CDK15: variants seen among roughly 807,000 people sequenced by gnomAD.
CDK15 encodes cyclin dependent kinase 15.
Under a neutral mutation model 60.3 loss-of-function variants are expected in CDK15, and 62 were observed. The ratio of observed to expected loss-of-function variants is 1.03; its 90% CI spans 0.84 to 1.27. The LOEUF is 1.27. Ranked by LOEUF, CDK15 falls within the 50% of genes most tolerant of loss-of-function variation. The probability of loss-of-function intolerance (pLI) is 0.00; values close to 1 mark genes in which losing one functional copy is unlikely to be tolerated. For missense variants in CDK15, 541 were observed against 527.8 expected, an observed-to-expected ratio of 1.03 and a Z score of -0.25; for synonymous variants, 194 against 195.7, an observed-to-expected ratio of 0.99 and a Z score of 0.07.
chr2:201,890,778 C>T lies in CDK15; in HGVS notation c.1199-7C>T, dbSNP rs370998699. On this transcript the variant is annotated splice_polypyrimidine_tract_variant and splice_region_variant and intron_variant, in intron 12 of 13. Transcript: ENST00000652192. ...ATATTGGTGCTTCTCTCTTTTCATTCCTACAGAGGAGTCTTTGTTTACAGT... is the reference window on the plus strand; with the variant it reads ...ATATTGGTGCTTCTCTCTTTTCATTTCTACAGAGGAGTCTTTGTTTACAGT... 10 of 1,593,124 alleles carry T rather than the reference C, an allele frequency of 6.3e-6. No individual in the cohort carries two copies. Among genetic ancestry groups the T allele is most frequent in the South Asian group, 1.1e-5 (1 of 88,714 alleles).
At chr2:201,888,409 C>T (rs1246152267) in intron 12 of CDK15, 3 of 1,528,338 alleles carry the variant, frequency 2.0e-6, no homozygotes, top group South Asian at 1.2e-5. Flanking sequence ...GACTGAATTT[C>T]CCTTCTCAAA....
chr2:201,882,513 C>T lies in CDK15; in HGVS notation c.1198+2346C>T, dbSNP rs1429503361. Among the ~76,000 whole-genome samples the T allele has an allele frequency of 6.6e-6, 1 of 152,150 alleles. No homozygotes were observed. The highest frequency in any genetic ancestry group is 1.5e-5 in the Non-Finnish European group (1 of 68,030). Reference sequence around the variant, plus strand: ...AATTAAATGAGGTTTGTCAAAGCCACAGGGCTCTGCTGCTGCTGCCTCGGC... The same window carrying T: ...AATTAAATGAGGTTTGTCAAAGCCATAGGGCTCTGCTGCTGCTGCCTCGGC... On this transcript the variant is annotated intron_variant, in intron 12 of 13. Transcript: ENST00000652192. The surrounding 1 kb of genome is among the most constrained non-coding windows in gnomAD (Gnocchi z 4.0).
chr2:201,883,949 G>A (rs1395590306), intron 12 of CDK15, among the ~76,000 whole-genome samples: 1 of 152,178 alleles, frequency 6.6e-6, no homozygotes, highest in Non-Finnish European at 1.5e-5. Flanking sequence ...ATTTGGGGGT[G>A]GGGGTAGTAG....
At chr2:201,860,791 A>C in intron 10 of CDK15, 5 of 1,352,206 alleles carry the variant, frequency 3.7e-6, no homozygotes, top group Non-Finnish European at 4.9e-6. Context: ...ACAGCATCGT[A>C]CTGCAGCAAT....
At chr2:201,828,556 T>C (rs1004283941) in intron 6 of CDK15, among the ~76,000 whole-genome samples, 4 of 151,880 alleles carry the variant, frequency 2.6e-5, no homozygotes, top group Admixed American at 6.6e-5. Context: ...TCTTGATGCA[T>C]TGACCTTGTG....
chr2:201,868,780 G>A (rs1698737442), intron 10 of CDK15, among the ~76,000 whole-genome samples: 1 of 151,418 alleles, frequency 6.6e-6, no homozygotes, highest in Non-Finnish European at 1.5e-5. Flanking sequence ...ATGAAAAAAT[G>A]TTCATCATCA....
intron 9 of CDK15, 167 bp from the exon 10 acceptor site, chr2:201,854,707 G>A (rs1175914454): frequency 1.6e-6 from 1 of 606,654 alleles, no homozygotes; most frequent in Non-Finnish European, 2.9e-6. Context: ...ACAAACGTTG[G>A]AAACACTCAA....
At chr2:201,808,754 C>T (rs1480511421) in intron 3 of CDK15, 3 of 152,328 alleles carry the variant, frequency 2.0e-5, no homozygotes, top group African/African-American at 7.2e-5. Context: ...TCCTTCTCCA[C>T]TCCCACTGCT....
intron 11 of CDK15, among the ~76,000 whole-genome samples, chr2:201,874,131 C>T (rs1435879828): frequency 1.3e-5 from 2 of 150,572 alleles, no homozygotes; most frequent in African/African-American, 2.5e-5. Context: ...TTGTCTAATA[C>T]AGTAGCCATT....
At chr2:201,867,350 C>A (rs926401780) in intron 10 of CDK15, among the ~76,000 whole-genome samples, 1 of 152,130 alleles carries the variant, frequency 6.6e-6, no homozygotes, top group African/African-American at 2.4e-5. Flanking sequence ...ACAGCCCAGG[C>A]ATGGTGGCTC....
At chr2:201,821,863 T>C (rs1260047151) in intron 4 of CDK15, among the ~76,000 whole-genome samples, 2 of 152,180 alleles carry the variant, frequency 1.3e-5, no homozygotes, top group Non-Finnish European at 2.9e-5. Flanking sequence ...GTATTTTTAG[T>C]AGAGACGGGG....
intron 4 of CDK15, among the ~76,000 whole-genome samples, chr2:201,820,486 C>T (rs868387680): frequency 2.6e-5 from 4 of 152,080 alleles, no homozygotes; most frequent in Admixed American, 6.6e-5. Flanking sequence ...TCATATCAAC[C>T]CTATGAAGTA....
intron 10 of CDK15, among the ~76,000 whole-genome samples, chr2:201,864,466 C>T (rs550140856): frequency 1.3e-5 from 2 of 152,252 alleles, no homozygotes; most frequent in Admixed American, 6.5e-5. Flanking sequence ...AACAGGTGTG[C>T]GGCCCCATGC....
At chr2:201,842,437 T>G (rs1208001375) in intron 8 of CDK15, among the ~76,000 whole-genome samples, 1 of 152,154 alleles carries the variant, frequency 6.6e-6, no homozygotes, top group Non-Finnish European at 1.5e-5. Flanking sequence ...CTGTCACATT[T>G]CTCGCTGCAA....
chr2:201,887,639 T>G (rs938878189), intron 12 of CDK15, among the ~76,000 whole-genome samples: 1 of 152,192 alleles, frequency 6.6e-6, no homozygotes, highest in Non-Finnish European at 1.5e-5. Context: ...ACTCACCGAA[T>G]GCAAGGGTTC....
At chr2:201,819,047 T>C (rs1472586889) in intron 4 of CDK15, among the ~76,000 whole-genome samples, 1 of 151,936 alleles carries the variant, frequency 6.6e-6, no homozygotes, top group African/African-American at 2.4e-5. Context: ...TAAACAAATA[T>C]TTATATATAA....
rs572860508 is a variant in CDK15 at position 201,839,150 on chromosome 2, G to A, written c.851+3387G>A. ...TTCTAAGATTCATCCATGTTGATCT[G>A]TTTAGCTATACTTTATTTTCTGTTA... On this transcript the variant is annotated intron_variant, in intron 8 of 13. Transcript: ENST00000652192. 2.6e-5 allele frequency among the ~76,000 whole-genome samples: 4 copies of A among 151,986 alleles called. No homozygotes were observed. In the East Asian group the frequency reaches 7.7e-4, roughly 29 times the overall value.
At chr2:201,883,323 C>T (rs1003644786) in intron 12 of CDK15, among the ~76,000 whole-genome samples, 9 of 152,074 alleles carry the variant, frequency 5.9e-5, no homozygotes, top group Admixed American at 2.0e-4. Context: ...CTGGGAAATA[C>T]GTGGAGAGTG....
intron 4 of CDK15, among the ~76,000 whole-genome samples, chr2:201,816,289 C>G (rs571120460): frequency 9.9e-5 from 15 of 152,076 alleles, no homozygotes; most frequent in African/African-American, 3.4e-4. Context: ...TTTGGAGTCC[C>G]TGGTGTAGTG....
Sources: gnomAD v4.1 joint callset for allele counts (sites outside exome capture counted in the v4.1 genomes callset) on GRCh38, gnomAD v4.1.1 for gene constraint, Gnocchi (gnomAD v3.1) non-coding constraint, MANE v1.5 for transcripts, NCBI Gene and HGNC (gene_info 2026-07-23, HGNC 2026-07-21) for gene names.